The following ARHGAP35 variants were observed in gnomAD, a reference collection of about 807,000 sequenced individuals.
The protein encoded by ARHGAP35 is Rho GTPase activating protein 35.
In ARHGAP35, 15 loss-of-function variants were observed where a neutral mutation model predicts 111.1. The ratio of observed to expected loss-of-function variants is 0.13; its 90% confidence interval spans 0.09 to 0.21. ARHGAP35 has a LOEUF of 0.21. Ranked by LOEUF, ARHGAP35 falls within the 10% of genes least tolerant of loss-of-function variation. The probability of loss-of-function intolerance (pLI) is 1.00; values close to 1 mark genes in which losing one functional copy is unlikely to be tolerated. For missense variants in ARHGAP35, 1,262 were observed against 1,873.0 expected, an observed-to-expected ratio of 0.67 and a Z score of 6.02; for synonymous variants, 643 against 710.3, an observed-to-expected ratio of 0.91 and a Z score of 1.51.
At chr19:46,973,923 G>A (rs1240915260) in intron 3 of ARHGAP35, among the ~76,000 whole-genome samples, 1 of 151,764 alleles carries the variant, frequency 6.6e-6, no homozygotes, top group Non-Finnish European at 1.5e-5. Context: ...TTGAACCCAG[G>A]AGGCGGAGGC....
intron 3 of ARHGAP35, among the ~76,000 whole-genome samples, chr19:46,960,158 T>G (rs941138662): frequency 6.6e-6 from 1 of 151,872 alleles, no homozygotes; most frequent in Admixed American, 6.6e-5. Context: ...CCGATCTTGT[T>G]GAGGAATGTG....
At position 46,922,487 on chromosome 19, in the gene ARHGAP35, C is replaced by A. The variant is rs1465237897; in HGVS notation, c.3681+131C>A. The A allele has an allele frequency of 1.7e-5, 15 of 883,004 alleles. No individual in the cohort carries two copies. The highest frequency in any genetic ancestry group is 2.3e-5 in the Non-Finnish European group (14 of 609,602). The allele number at this position is 883,004 out of a possible 1,614,324, so 54.7% of individuals were successfully genotyped here. A position where few individuals can be genotyped will look rare whatever the true frequency, so the allele number is the denominator to read the frequency against. On this transcript the variant is annotated intron_variant, in intron 2 of 6. Transcript: ENST00000672722. The surrounding 1 kb of genome is among the most constrained non-coding windows in gnomAD (Gnocchi z 4.0). ...TGCCCTGTGTGTGTATTTGACTTAA[C>A]ATAAAAAAGCAGTGCCTCAATTAGC...
chr19:46,872,830 G>C (rs913785700), intron 1 of ARHGAP35, among the ~76,000 whole-genome samples: 2 of 149,228 alleles, frequency 1.3e-5, no homozygotes, highest in African/African-American at 5.0e-5. Context: ...GCAGTGAGCC[G>C]AGATTGTGCC....
chr19:46,915,377 T>G (rs1255837326), intron 1 of ARHGAP35, among the ~76,000 whole-genome samples: 1 of 152,220 alleles, frequency 6.6e-6, no homozygotes, highest in Non-Finnish European at 1.5e-5. Context: ...CTTTTTAAAA[T>G]GTAGTTTTTG....
At position 46,921,774 on chromosome 19, in the gene ARHGAP35, GAAC is replaced by G; in HGVS notation, c.3105_3107del (p.Asn1035del). The stretch of plus-strand genomic sequence containing the variant: ...TTATGAGCAATTTTGAGAGTAAACT[GAAC>G]AACAAAGTACCTCCGCCAGTCAAAC... On this transcript the variant is annotated inframe_deletion, in exon 2 of 7. Transcript: ENST00000672722. The surrounding 1 kb of genome is among the most constrained non-coding windows in gnomAD (Gnocchi z 4.3). 6.2e-7 allele frequency: 1 copy of G among 1,613,978 alleles called. No homozygotes were observed. Among genetic ancestry groups the G allele is most frequent in the Non-Finnish European group, 8.5e-7 (1 of 1,179,886 alleles).
At chr19:46,861,864 G>C (rs908396092) in intron 1 of ARHGAP35, among the ~76,000 whole-genome samples, 1 of 152,062 alleles carries the variant, frequency 6.6e-6, no homozygotes, top group African/African-American at 2.4e-5. Flanking sequence ...GCCAGGCACT[G>C]CTGCCCCAGG....
At chr19:46,917,348 C>T (rs1411579143) in intron 1 of ARHGAP35, among the ~76,000 whole-genome samples, 1 of 152,226 alleles carries the variant, frequency 6.6e-6, no homozygotes, top group East Asian at 1.9e-4. Context: ...TCGCTTACGC[C>T]TGTAATCCCA....
chr19:46,905,964 G>T (rs976316998), intron 1 of ARHGAP35, among the ~76,000 whole-genome samples: 1 of 150,740 alleles, frequency 6.6e-6, no homozygotes, highest in Non-Finnish European at 1.5e-5. Flanking sequence ...GATTACAGGC[G>T]TGAGCCACCG....
intron 1 of ARHGAP35, among the ~76,000 whole-genome samples, chr19:46,866,659 A>G (rs1318577714): frequency 6.6e-6 from 1 of 151,994 alleles, no homozygotes; most frequent in African/African-American, 2.4e-5. Flanking sequence ...GCCAATCCCC[A>G]ACTGCCTGTC....
chr19:46,927,452 G>A (rs1461792454), intron 2 of ARHGAP35, among the ~76,000 whole-genome samples: 1 of 152,222 alleles, frequency 6.6e-6, no homozygotes, highest in Admixed American at 6.5e-5. Flanking sequence ...TTAAGGCTGA[G>A]ACTTTGGAAG....
chr19:46,931,260 A>G (rs1359580540), intron 2 of ARHGAP35, among the ~76,000 whole-genome samples: 1 of 152,158 alleles, frequency 6.6e-6, no homozygotes, highest in Non-Finnish European at 1.5e-5. Flanking sequence ...TTGTTCAGCA[A>G]ATACATTGAG....
intron 3 of ARHGAP35, among the ~76,000 whole-genome samples, chr19:46,966,185 C>T (rs993713096): frequency 3.9e-5 from 6 of 152,078 alleles, no homozygotes; most frequent in East Asian, 1.9e-4. Context: ...AATATTTATA[C>T]GATTTTTGGT....
chr19:46,919,209 C>A lies in ARHGAP35; in HGVS notation c.534C>A (p.Leu178=). Residue 178 remains leucine (L), a synonymous_variant, in exon 2 of 7, where the codon CTC becomes CTA. Transcript: ENST00000672722. The surrounding 1 kb of genome is among the most constrained non-coding windows in gnomAD (Gnocchi z 6.2). ...TGAATAGGAACTTTGATGACCAGCT[C>A]AAGTTTGTCTCCAATCTCTACAATC... ...RGMNRNFDDQ[L]KFVSNLYNQL... is the part of the protein sequence containing the mutation. 6.2e-7 allele frequency: 1 copy of A among 1,613,900 alleles called. No individual in the cohort carries two copies. The highest frequency in any genetic ancestry group is 8.5e-7 in the Non-Finnish European group (1 of 1,179,876).
chr19:46,885,073 G>A (rs796547076), intron 1 of ARHGAP35, among the ~76,000 whole-genome samples: 4 of 152,238 alleles, frequency 2.6e-5, no homozygotes, highest in African/African-American at 9.6e-5. Context: ...CTGTCCCCAT[G>A]GCTTTGGGCA....
intron 1 of ARHGAP35, among the ~76,000 whole-genome samples, chr19:46,889,021 A>G (rs1177431350): frequency 1.3e-5 from 2 of 150,492 alleles, no homozygotes; most frequent in Non-Finnish European, 3.0e-5. Flanking sequence ...AAGCAAAACA[A>G]AAAACCCTGT....
chr19:46,900,087 T>C (rs2056076912), intron 1 of ARHGAP35, among the ~76,000 whole-genome samples: 1 of 152,224 alleles, frequency 6.6e-6, no homozygotes, highest in Non-Finnish European at 1.5e-5. Context: ...TTCTCTCTTT[T>C]TTATGCTTTT....
intron 3 of ARHGAP35, among the ~76,000 whole-genome samples, chr19:46,981,153 A>C: frequency 6.6e-6 from 1 of 152,330 alleles, no homozygotes; most frequent in African/African-American, 2.4e-5. Context: ...TTTAATGCTC[A>C]AAGAGTTTCC....
chr19:46,904,308 G>A (rs1041569577), intron 1 of ARHGAP35, among the ~76,000 whole-genome samples: 1 of 152,224 alleles, frequency 6.6e-6, no homozygotes, highest in Non-Finnish European at 1.5e-5. Flanking sequence ...AGAGACAGCA[G>A]ATCATGTTCA....
rs2056761824 is a variant in ARHGAP35 at position 47,003,916 on chromosome 19, A to ATG, written c.*3228_*3229insTG. The ATG allele has an allele frequency of 7.2e-6, 1 of 138,176 alleles. No homozygotes were observed. The highest frequency in any genetic ancestry group is 2.6e-4 in the South Asian group (1 of 3,868). 8.6% of individuals were successfully genotyped at this position (138,176 alleles called of 1,614,324 possible). A position where few individuals can be genotyped will look rare whatever the true frequency, so the allele number is the denominator to read the frequency against. ...CCGCAGGCCACCAGGCATTCTGGAC[A>ATG]CGCACACACACACACACACACACAC... is the stretch of plus-strand genomic sequence containing the variant. On this transcript the variant is annotated 3_prime_UTR_variant, in exon 7 of 7. Transcript: ENST00000672722.
Sources: gnomAD v4.1 joint callset for allele counts (sites outside exome capture counted in the v4.1 genomes callset) on GRCh38, gnomAD v4.1.1 for gene constraint, Gnocchi (gnomAD v3.1) non-coding constraint, MANE v1.5 for transcripts, NCBI Gene and HGNC (gene_info 2026-07-23, HGNC 2026-07-21) for gene names.